Variants in DMD observed in about 807,000 individuals in gnomAD.
The protein encoded by DMD is dystrophin.
Under a neutral mutation model 330.1 loss-of-function variants are expected in DMD, and 63 were observed. The observed-to-expected ratio is 0.19, with a 90% CI of 0.16 to 0.24. The LOEUF (loss-of-function observed/expected upper bound fraction) is 0.24. DMD is among the 10% of genes least tolerant of loss of function. The pLI is 1.00. For synonymous variants in DMD, 1,223 were observed against 959.8 expected (o/e 1.27, Z -5.07); for missense variants, 3,344 against 2,684.1 (o/e 1.25, Z -5.43).
At chrX:32,903,580 T>G (rs2149310282) in intron 2 of DMD, among the ~76,000 whole-genome samples, 1 of 111,695 alleles carries the variant, frequency 9.0e-6, no homozygotes, top group African/African-American at 3.3e-5. Flanking sequence ...TGATTTAATT[T>G]ATCTTGGGTG....
chrX:33,234,023 T>C (rs1412849624), intron 1 of DMD, among the ~76,000 whole-genome samples: 3 of 111,491 alleles, frequency 2.7e-5, no homozygotes, highest in African/African-American at 9.8e-5. Flanking sequence ...TTCTCAAGCT[T>C]GCTTAGCTTG....
chrX:31,421,978 T>TATATATATATACAC (rs1569540476), intron 60 of DMD, among the ~76,000 whole-genome samples: 32 of 70,960 alleles, frequency 4.5e-4, no homozygotes, highest in African/African-American at 2.5e-3. Context: ...TATATACACA[T>TATATATATATACAC]ATATATATGT....
At chrX:31,933,992 G>T (rs2094892046) in intron 45 of DMD, among the ~76,000 whole-genome samples, 1 of 108,820 alleles carries the variant, frequency 9.2e-6, no homozygotes, top group Non-Finnish European at 1.9e-5. Flanking sequence ...TAACAAATGT[G>T]TATTGGGAGC....
Position 31,348,634 on chromosome X carries a change from C to G in DMD, c.9085G>C (p.Val3029Leu), listed in dbSNP as rs1313179771. The G allele has an allele frequency of 8.3e-7, 1 of 1,206,474 alleles. No homozygotes were observed. Among genetic ancestry groups the G allele is most frequent in the Admixed American group, 2.2e-5 (1 of 45,886 alleles). ...TGCCTGACTCGGTCCTCGACGGCCA[C>G]CTGGGAGGAAAAGGAGAGAAATGAT... Reference protein sequence around the residue: ...DLNTRWKLLQVAVEDRVRQLH... With the variant: ...DLNTRWKLLQLAVEDRVRQLH... The change falls in exon 61 of 79, where the codon GTG (valine) becomes CTG (leucine). Residue 3029 changes from valine (V) to leucine (L), a missense_variant and splice_region_variant. Physicochemically the swap from Val to Leu is conservative, Grantham distance 32. Transcript: ENST00000357033.
intron 62 of DMD, among the ~76,000 whole-genome samples, chrX:31,294,314 TTG>T (rs1437279779): frequency 1.8e-5 from 2 of 111,783 alleles, no homozygotes; most frequent in Admixed American, 1.9e-4. Flanking sequence ...CCATGGGATA[TTG>T]TAAGAATCAA....
intron 48 of DMD, among the ~76,000 whole-genome samples, chrX:31,874,968 C>G (rs908550179): frequency 1.8e-5 from 2 of 111,227 alleles, no homozygotes; most frequent in Non-Finnish European, 3.8e-5. Flanking sequence ...TTCCACTGTG[C>G]TGTATTTAGA....
intron 44 of DMD, among the ~76,000 whole-genome samples, chrX:32,043,653 C>G (rs2147408077): frequency 9.0e-6 from 1 of 111,365 alleles, no homozygotes; most frequent in East Asian, 2.8e-4. Context: ...TCAAAACAAG[C>G]CTATGAGAGA....
At chrX:32,820,976 T>G (rs1044534721) in intron 5 of DMD, among the ~76,000 whole-genome samples, 12 of 111,034 alleles carry the variant, frequency 1.1e-4, no homozygotes, top group Admixed American at 8.6e-4. Context: ...TGAAAAGCAG[T>G]TTGGGGAGAG....
At chrX:31,673,025 G>A (rs1283933015) in intron 53 of DMD, among the ~76,000 whole-genome samples, 2 of 112,544 alleles carry the variant, frequency 1.8e-5, no homozygotes, top group Non-Finnish European at 3.7e-5. Flanking sequence ...GCAAGGCCAT[G>A]TATATAGGTT....
intron 1 of DMD, among the ~76,000 whole-genome samples, chrX:33,236,325 C>T (rs1164500136): frequency 9.5e-6 from 1 of 105,570 alleles, no homozygotes; most frequent in Non-Finnish European, 1.9e-5. Flanking sequence ...AGTGCAATGG[C>T]GCGATCTCGG....
At chrX:31,743,610 C>A (rs111755009) in intron 51 of DMD, among the ~76,000 whole-genome samples, 2,079 of 111,788 alleles carry the variant, frequency 0.019, 22 homozygotes, top group Non-Finnish European at 0.028. Flanking sequence ...ATACCAAATA[C>A]CACGTGTTCT....
intron 62 of DMD, among the ~76,000 whole-genome samples, chrX:31,282,219 C>G (rs2052670975): frequency 8.9e-6 from 1 of 112,045 alleles, no homozygotes; most frequent in East Asian, 2.8e-4. Context: ...CAGATTTTAA[C>G]TAGAGCTAAA....
intron 62 of DMD, chrX:31,266,658 G>T: frequency 1.7e-6 from 1 of 578,703 alleles, no homozygotes; most frequent in Non-Finnish European, 2.9e-6. Flanking sequence ...GCGGGAACCC[G>T]CGGGAGAGGT....
At chrX:31,836,005 C>T (rs746541636) in intron 49 of DMD, among the ~76,000 whole-genome samples, 5 of 111,573 alleles carry the variant, frequency 4.5e-5, no homozygotes, top group African/African-American at 1.6e-4. Context: ...CTACTGCTAA[C>T]GTATATTTAG....
At chrX:32,937,445 T>C (rs1319616388) in intron 2 of DMD, among the ~76,000 whole-genome samples, 1 of 106,840 alleles carries the variant, frequency 9.4e-6, no homozygotes, top group African/African-American at 3.4e-5. Flanking sequence ...GAAAAATGGA[T>C]TTGAAAGGAC....
At chrX:32,480,832 T>A (rs1449096363) in intron 21 of DMD, among the ~76,000 whole-genome samples, 1 of 110,944 alleles carries the variant, frequency 9.0e-6, no homozygotes, top group African/African-American at 3.3e-5. Context: ...TTGATGGTAT[T>A]GATAAAAATA....
chrX:32,673,338 TAGG>T (rs1185061191), intron 9 of DMD, among the ~76,000 whole-genome samples: 4 of 111,537 alleles, frequency 3.6e-5, no homozygotes, highest in Admixed American at 9.6e-5. Context: ...CCAACACTAT[TAGG>T]AGATTTGATA....
intron 16 of DMD, among the ~76,000 whole-genome samples, chrX:32,554,927 AAGAAAG>A (rs1469208124): frequency 2.6e-4 from 8 of 30,495 alleles, no homozygotes; most frequent in African/African-American, 1.5e-3. Flanking sequence ...GAAAGAAAGA[AAGAAAG>A]AAAGAAAGAG....
intron 7 of DMD, among the ~76,000 whole-genome samples, chrX:32,740,089 G>A (rs1177728954): frequency 6.5e-5 from 7 of 108,319 alleles, no homozygotes; most frequent in Non-Finnish European, 1.3e-4. Context: ...CAGAAGTGAT[G>A]TGCGCCATTT....
Sources: allele counts gnomAD v4.1 joint callset (sites outside exome capture counted in the v4.1 genomes callset), GRCh38; gene constraint gnomAD v4.1.1; transcripts MANE v1.5; gene names NCBI Gene and HGNC (gene_info 2026-07-23, HGNC 2026-07-21).